Variants in CLASP1 observed in about 807,000 individuals in gnomAD.
CLASP1 encodes cytoplasmic linker associated protein 1.
A neutral mutation model predicts 192.3 loss-of-function variants in CLASP1; 38 were observed. That is an observed-to-expected ratio of 0.20 (90% CI 0.15 to 0.26). CLASP1 has a LOEUF of 0.26. Ranked by LOEUF, CLASP1 falls within the 10% of genes least tolerant of loss-of-function variation. The pLI, the probability that CLASP1 is intolerant of heterozygous loss-of-function variation, is 1.00. For missense variants in CLASP1, 1,433 were observed against 1,932.5 expected (o/e 0.74, Z 4.85); for synonymous variants, 691 against 712.8 (o/e 0.97, Z 0.49).
chr2:121,597,135 G>A (rs1053869201), intron 2 of CLASP1, among the ~76,000 whole-genome samples: 2 of 152,066 alleles, frequency 1.3e-5, no homozygotes, highest in African/African-American at 4.8e-5. Context: ...TGTTGCATAA[G>A]GACTTGAGTT....
exon 40 of CLASP1, chr2:121,339,459 T>C (rs766929124): frequency 2.6e-5 from 4 of 152,262 alleles, no homozygotes; most frequent in African/African-American, 7.2e-5. Context: ...TAGGATCTAA[T>C]ACAACAGTAA....
At chr2:121,567,348 A>G (rs946225956) in intron 2 of CLASP1, among the ~76,000 whole-genome samples, 2 of 152,172 alleles carry the variant, frequency 1.3e-5, no homozygotes, top group African/African-American at 4.8e-5. Context: ...AGTACCCCAG[A>G]GCTTCAGTAC....
chr2:121,579,922 T>C (rs1483413630), intron 2 of CLASP1, among the ~76,000 whole-genome samples: 2 of 152,226 alleles, frequency 1.3e-5, no homozygotes, highest in African/African-American at 2.4e-5. Context: ...GCTAAATTCA[T>C]ACCAGTGTTT....
At chr2:121,498,992 A>G (rs750148397) in intron 8 of CLASP1, among the ~76,000 whole-genome samples, 22 of 152,244 alleles carry the variant, frequency 1.4e-4, no homozygotes, top group Admixed American at 2.6e-4. Flanking sequence ...TAGTGCTGCA[A>G]AACTGGAAAA....
chr2:121,419,465 C>T (rs1356213786), intron 22 of CLASP1, among the ~76,000 whole-genome samples: 1 of 152,186 alleles, frequency 6.6e-6, no homozygotes, highest in African/African-American at 2.4e-5. Context: ...CCAAGCACCA[C>T]CACTGACCCA....
chr2:121,623,374 G>A lies in CLASP1; in HGVS notation c.-285-17194C>T, dbSNP rs191866662. On this transcript the variant is annotated intron_variant, in intron 1 of 39. Coordinates refer to ENST00000263710, the Ensembl canonical transcript of CLASP1. ...CATTAAGCCAACTTTGCATTCCTGG[G>A]ATAATTCCCACTCGGTCACAGTACA... Among the ~76,000 whole-genome samples the A allele has an allele frequency of 3.9e-4, 60 of 152,248 alleles. 1 individual carries two copies. Among genetic ancestry groups the A allele is most frequent in the South Asian group, 2.5e-3 (12 of 4,828 alleles).
chr2:121,349,158 T>C (rs1486944655), intron 37 of CLASP1, among the ~76,000 whole-genome samples: 4 of 151,764 alleles, frequency 2.6e-5, no homozygotes, highest in African/African-American at 9.7e-5. Flanking sequence ...GAGAATGGCA[T>C]GAACCTGGGA....
chr2:121,454,053 G>A (rs574862921), intron 14 of CLASP1, among the ~76,000 whole-genome samples: 1 of 152,138 alleles, frequency 6.6e-6, no homozygotes, highest in African/African-American at 2.4e-5. Context: ...TGAGGGTGGC[G>A]GCATTTCTAT....
intron 8 of CLASP1, chr2:121,490,448 T>C (rs2093240820): frequency 4.3e-6 from 1 of 230,820 alleles, no homozygotes; most frequent in Admixed American, 5.8e-5. Context: ...AAGCCTAGAC[T>C]AACAATGATT....
At chr2:121,483,353 C>T (rs776183122) in intron 8 of CLASP1, among the ~76,000 whole-genome samples, 1 of 151,952 alleles carries the variant, frequency 6.6e-6, no homozygotes, top group Admixed American at 6.6e-5. Flanking sequence ...AAAGAATTAA[C>T]CATTGTAGTG....
intron 1 of CLASP1, among the ~76,000 whole-genome samples, chr2:121,639,266 G>C (rs1176026256): frequency 6.6e-6 from 1 of 151,696 alleles, no homozygotes; most frequent in Non-Finnish European, 1.5e-5. Context: ...GACAGAGCGA[G>C]ACTCTGTCTC....
chr2:121,612,550 G>T (rs1351005006), intron 1 of CLASP1, among the ~76,000 whole-genome samples: 1 of 151,856 alleles, frequency 6.6e-6, no homozygotes. Context: ...AAGAAGAGAT[G>T]AAGTTAGAGA....
chr2:121,387,277 T>C (rs996965717), intron 31 of CLASP1, 49 bp from the exon 33 acceptor site: 1 of 1,218,102 alleles, frequency 8.2e-7, no homozygotes, highest in African/African-American at 1.5e-5. Context: ...GTATATAGAA[T>C]ATATTCTATT....
intron 34 of CLASP1, among the ~76,000 whole-genome samples, chr2:121,374,369 C>T (rs908163219): frequency 1.3e-5 from 2 of 152,244 alleles, no homozygotes; most frequent in African/African-American, 4.8e-5. Flanking sequence ...AGGCAAAAGT[C>T]TGCTGCAGGG....
chr2:121,541,609 G>T (rs1009031528), intron 2 of CLASP1, among the ~76,000 whole-genome samples: 1 of 151,976 alleles, frequency 6.6e-6, no homozygotes, highest in African/African-American at 2.4e-5. Context: ...GCCAATATCG[G>T]ATAACTTCAA....
At chr2:121,432,192 C>T (rs1449821944) in intron 19 of CLASP1, among the ~76,000 whole-genome samples, 1 of 152,172 alleles carries the variant, frequency 6.6e-6, no homozygotes, top group Non-Finnish European at 1.5e-5. Flanking sequence ...CCTCGGCTTA[C>T]TGCAACCTCC....
intron 39 of CLASP1, among the ~76,000 whole-genome samples, chr2:121,343,962 T>A (rs1018992314): frequency 6.6e-6 from 1 of 151,960 alleles, no homozygotes; most frequent in East Asian, 1.9e-4. Context: ...TCCCAGCTAC[T>A]CAGGAGGCTG....
chr2:121,632,137 G>T (rs2069811329), intron 1 of CLASP1, among the ~76,000 whole-genome samples: 1 of 152,196 alleles, frequency 6.6e-6, no homozygotes, highest in African/African-American at 2.4e-5. Flanking sequence ...CCAGCTACCT[G>T]GAAGGCTGAG....
At chr2:121,589,826 T>C (rs1001282667) in intron 2 of CLASP1, among the ~76,000 whole-genome samples, 1 of 151,624 alleles carries the variant, frequency 6.6e-6, no homozygotes, top group Non-Finnish European at 1.5e-5. Context: ...ATCAATATTA[T>C]CCTCATTTTG....
Sources: allele counts gnomAD v4.1 joint callset (sites outside exome capture counted in the v4.1 genomes callset), GRCh38; gene constraint gnomAD v4.1.1; transcripts MANE v1.5; gene names NCBI Gene and HGNC (gene_info 2026-07-23, HGNC 2026-07-21).